Variants in TULP3 observed in about 807,000 individuals in gnomAD.
The protein encoded by TULP3 is TUB like protein 3.
A neutral mutation model predicts 50.7 loss-of-function variants in TULP3; 38 were observed. The observed-to-expected ratio is 0.75, with a 90% CI of 0.58 to 0.98. The LOEUF (loss-of-function observed/expected upper bound fraction) is 0.98, where lower values mean the gene tolerates loss of function less well. TULP3 is among the 50% of genes least tolerant of loss of function. TULP3 has a pLI of 0.00. For missense variants in TULP3, 550 were observed against 568.0 expected, an observed-to-expected ratio of 0.97 and a Z score of 0.32; for synonymous variants, 183 against 196.6, an observed-to-expected ratio of 0.93 and a Z score of 0.58.
chr12:2,899,446 C>G (rs1365413810), intron 1 of TULP3, among the ~76,000 whole-genome samples: 1 of 151,828 alleles, frequency 6.6e-6, no homozygotes, highest in African/African-American at 2.4e-5. Flanking sequence ...AGTTTGCAGC[C>G]CCTGTGCTAA....
chr12:2,910,321 C>T (rs10848736), intron 2 of TULP3, among the ~76,000 whole-genome samples: 72,614 of 151,884 alleles, frequency 0.48, 17,821 homozygotes, highest in African/African-American at 0.6. Flanking sequence ...ATTTTCTTCA[C>T]AGAGCTGCTG....
At chr12:2,906,568 A>G (rs1047909128) in intron 1 of TULP3, among the ~76,000 whole-genome samples, 8 of 151,310 alleles carry the variant, frequency 5.3e-5, no homozygotes, top group Non-Finnish European at 7.4e-5. Context: ...GGCTCAGGCA[A>G]TCCACCCACC....
chr12:2,930,182 A>G (rs1320490269), intron 4 of TULP3, 66 bp from the exon 5 acceptor site: 8 of 1,098,910 alleles, frequency 7.3e-6, no homozygotes, highest in Non-Finnish European at 1.1e-5. Context: ...AATTAAAACT[A>G]TCTTTGTTTC....
intron 1 of TULP3, among the ~76,000 whole-genome samples, chr12:2,895,372 G>GGGACAGCTGAGTAAGCTC (rs2098174954): frequency 6.6e-6 from 1 of 152,164 alleles, no homozygotes; most frequent in Non-Finnish European, 1.5e-5. Context: ...CTTTCAAGTA[G>GGGACAGCTGAGTAAGCTC]AGGACAGCTG....
At chr12:2,914,246 T>G (rs2098187371) in intron 2 of TULP3, among the ~76,000 whole-genome samples, 1 of 151,410 alleles carries the variant, frequency 6.6e-6, no homozygotes, top group Non-Finnish European at 1.5e-5. Context: ...TGCCTCAGCC[T>G]CCTGAGTAGC....
chr12:2,907,736 G>A (rs1211455578), intron 1 of TULP3, among the ~76,000 whole-genome samples: 4 of 143,938 alleles, frequency 2.8e-5, no homozygotes, highest in African/African-American at 1.0e-4. Context: ...ATCTTTTTTT[G>A]TCACACTATA....
chr12:2,919,072 CAT>C (rs2098190298), intron 2 of TULP3, among the ~76,000 whole-genome samples: 1 of 151,164 alleles, frequency 6.6e-6, no homozygotes, highest in Admixed American at 6.6e-5. Flanking sequence ...TTGTATTTTT[CAT>C]AGAGACGGGG....
rs2098202570 is a variant in TULP3, at chr12:2,938,123, A to C, written c.1033A>C (p.Ser345Arg). 6.2e-7 allele frequency: 1 copy of C among 1,614,064 alleles called. No individual in the cohort carries two copies. The highest frequency in any genetic ancestry group is 1.3e-5 in the African/African-American group (1 of 74,934). ...IPYQPQNNHD[S>R]LLSRWQNRTM... ...TTTTCCCTTTGGACAGAACCATGAC[A>C]GTTTGCTCTCAAGGTGGCAGAACAG... is the stretch of plus-strand genomic sequence containing the variant. Residue 345 changes from serine to arginine, a missense_variant, in exon 10 of 11, where the codon AGT becomes CGT. Ser to Arg is a moderately radical substitution (Grantham distance 110, BLOSUM62 -1). Transcript: ENST00000448120.
intron 4 of TULP3, among the ~76,000 whole-genome samples, chr12:2,928,530 CA>C (rs199713348): frequency 1.4e-5 from 2 of 147,630 alleles, no homozygotes. Context: ...AACTCCATCT[CA>C]AAAAAAATAA....
intron 4 of TULP3, 33 bp from the exon 5 acceptor site, chr12:2,930,215 T>G: frequency 6.9e-7 from 1 of 1,450,478 alleles, no homozygotes; most frequent in Non-Finnish European, 9.6e-7. Flanking sequence ...TAAACAGTGT[T>G]GGCAGTGCTA....
intron 6 of TULP3, among the ~76,000 whole-genome samples, chr12:2,931,655 T>A (rs1421613995): frequency 6.6e-6 from 1 of 152,198 alleles, no homozygotes; most frequent in Admixed American, 6.5e-5. Flanking sequence ...GTTAAATGTC[T>A]TGTTTCTCAC....
In TULP3 at chr12:2,940,115, T is replaced by G; in HGVS notation, c.*671T>G. ...TTTATATAATTGTCTTCATTTCAAT[T>G]AAGGCTGAAAGCATAAACTCTAGAG... On this transcript the variant is annotated 3_prime_UTR_variant, in exon 11 of 11. Transcript: ENST00000448120. 7.7e-7 allele frequency: 1 copy of G among 1,291,716 alleles called. No individual in the cohort carries two copies. The highest frequency in any genetic ancestry group is 5.5e-5 in the East Asian group (1 of 18,092). 80.0% of individuals were successfully genotyped at this position (1,291,716 alleles called of 1,614,324 possible).
chr12:2,903,399 C>T (rs2098180340), intron 1 of TULP3, among the ~76,000 whole-genome samples: 1 of 151,528 alleles, frequency 6.6e-6, no homozygotes, highest in South Asian at 2.1e-4. Context: ...CCCGTCTCCA[C>T]TAAAAATACA....
intron 4 of TULP3, among the ~76,000 whole-genome samples, chr12:2,923,947 C>T (rs2098193282): frequency 6.6e-6 from 1 of 152,092 alleles, no homozygotes. Flanking sequence ...CACCACTGCA[C>T]TCCAGCCTGG....
Position 2,934,490 on chromosome 12 carries a change from A to G in TULP3, c.853A>G (p.Ile285Val), listed in dbSNP as rs756609003. The change falls in exon 8 of 11, where the codon ATC becomes GTC. Residue 285 changes from isoleucine to valine, a missense_variant. Transcript: ENST00000448120. ...GTKFTVYDRG[I>V]CPMKGRGLVG... The stretch of plus-strand genomic sequence containing the variant: ...CAAGTTTACAGTTTATGACCGTGGC[A>G]TCTGCCCCATGAAGGGCCGGGGTTT... The G allele has an allele frequency of 2.9e-5, 47 of 1,605,242 alleles. No homozygotes were observed. The South Asian group carries it at 4.5e-4, about 15-fold the overall frequency.
In TULP3 at chr12:2,933,458, C is replaced by T. The variant is rs1361272763; in HGVS notation, c.737C>T (p.Thr246Ile). ...LAARKRKKSK[T>I]ANYLISIDPV... ...GCTAGAAAGCGGAAAAAGAGCAAAACAGCCAACTACCTTATCTCCATTGAT... is the reference window on the plus strand; with the variant it reads ...GCTAGAAAGCGGAAAAAGAGCAAAATAGCCAACTACCTTATCTCCATTGAT... The change falls in exon 7 of 11, where the codon ACA becomes ATA. Residue 246 changes from threonine (T) to isoleucine (I), a missense_variant. Transcript: ENST00000448120. 6.2e-7 allele frequency: 1 copy of T among 1,614,008 alleles called. No individual in the cohort carries two copies. The highest frequency in any genetic ancestry group is 1.7e-5 in the Admixed American group (1 of 59,986).
intron 1 of TULP3, among the ~76,000 whole-genome samples, chr12:2,893,800 T>C (rs1156819077): frequency 6.7e-6 from 1 of 149,190 alleles, no homozygotes; most frequent in Non-Finnish European, 1.5e-5. Flanking sequence ...TAACTACAAA[T>C]ATTTTTTTTA....
intron 3 of TULP3, among the ~76,000 whole-genome samples, chr12:2,921,161 G>A (rs535735760): frequency 1.4e-4 from 22 of 151,946 alleles, no homozygotes; most frequent in Admixed American, 8.5e-4. Flanking sequence ...TTTTTGAGAC[G>A]GAGTTTTGCT....
At chr12:2,895,745 T>C (rs1263871935) in intron 1 of TULP3, among the ~76,000 whole-genome samples, 6 of 152,160 alleles carry the variant, frequency 3.9e-5, no homozygotes, top group Admixed American at 3.9e-4. Context: ...GTGTCATTAG[T>C]GGATTTTGTT....
Sources: gnomAD v4.1 joint callset for allele counts (sites outside exome capture counted in the v4.1 genomes callset) on GRCh38, gnomAD v4.1.1 for gene constraint, MANE v1.5 for transcripts, NCBI Gene and HGNC (gene_info 2026-07-23, HGNC 2026-07-21) for gene names.